The following GBP5 variants were observed in gnomAD, a reference collection of about 807,000 sequenced individuals.
The protein encoded by GBP5 is guanylate-binding protein 5.
GBP5 carries 48 observed loss-of-function variants against 58.2 expected under a neutral mutation model. That is an observed-to-expected ratio of 0.83 (90% CI 0.65 to 1.05). The LOEUF (loss-of-function observed/expected upper bound fraction) is 1.05, where lower values mean the gene tolerates loss of function less well. Ranked by LOEUF, GBP5 falls within the 50% of genes least tolerant of loss-of-function variation. The probability of loss-of-function intolerance (pLI) is 0.00; values close to 1 mark genes in which losing one functional copy is unlikely to be tolerated. For synonymous variants in GBP5, 248 were observed against 251.8 expected (o/e 0.98, Z 0.14); for missense variants, 714 against 686.8 (o/e 1.04, Z -0.44).
In GBP5 at chr1:89,263,829, T is replaced by G. The variant is rs759954294; in HGVS notation, c.1269A>C (p.Gly423=). ...FGPLEEAVKQ[G]IYSKPGGHNL... ...TATGGCCTCCTGGCTTAGAATAAAT[T>G]CCCTGCTTCACTGCTTCTTCTAGAG... is the stretch of plus-strand genomic sequence containing the variant. The change falls in exon 9 of 12, where the codon GGA becomes GGC. Residue 423 remains glycine (G), a synonymous_variant. Transcript: ENST00000370459. The G allele has an allele frequency of 6.2e-7, 1 of 1,613,442 alleles. No homozygotes were observed. The highest frequency in any genetic ancestry group is 8.5e-7 in the Non-Finnish European group (1 of 1,179,722).
intron 9 of GBP5, 192 bp from the exon 10 acceptor site, chr1:89,262,977 G>T (rs939773491): frequency 1.8e-5 from 8 of 437,084 alleles, no homozygotes; most frequent in Admixed American, 1.2e-4. Context: ...ATTGAGACTG[G>T]AGAGGCTTGT....
Position 89,262,366 on chromosome 1 carries a change from CT to C in GBP5, c.1500del (p.Ala501ArgfsTer14). The stretch of plus-strand genomic sequence containing the variant: ...CTTTGAATCGCCGCCAACCTTTGCG[CT>C]TCAGCCTTTTCAGCTTCTGCTTTCA... ...AQVKAEAEKA[E>X]AQRLAAIQRQ... On this transcript the variant is annotated frameshift_variant, in exon 11 of 12. Coordinates refer to ENST00000370459, the MANE Select transcript of GBP5 (RefSeq NM_052942.5). LOFTEE classifies it high-confidence loss of function. 3 of 1,614,082 alleles carry C rather than the reference CT, an allele frequency of 1.9e-6. No homozygotes were observed. The highest frequency in any genetic ancestry group is 2.5e-6 in the Non-Finnish European group (3 of 1,180,012).
At position 89,264,841 on chromosome 1, in the gene GBP5, G is replaced by C; in HGVS notation, c.994C>G (p.His332Asp). The change falls in exon 8 of 12, where the codon CAC becomes GAC. Residue 332 changes from histidine to aspartate, a missense_variant. Transcript: ENST00000370459. Reference sequence around the variant, plus strand: ...TTCTGGCCCATTTGCTGGTCATAGTGGGCAATGGCCTTTTGCACTGCAGCT... The same window carrying C: ...TTCTGGCCCATTTGCTGGTCATAGTCGGCAATGGCCTTTTGCACTGCAGCT... ...NSAAVQKAIAHYDQQMGQKVQ... is the reference protein window; with the variant it reads ...NSAAVQKAIADYDQQMGQKVQ... 1.2e-6 allele frequency: 2 copies of C among 1,614,152 alleles called. No homozygotes were observed. Among genetic ancestry groups the C allele is most frequent in the Non-Finnish European group, 1.7e-6 (2 of 1,180,034 alleles).
In GBP5 at chr1:89,256,381, T is replaced by C. The variant is rs888119759; in HGVS notation, c.*4323A>G. Among the ~76,000 whole-genome samples, 1 of 152,246 alleles carries C rather than the reference T, an allele frequency of 6.6e-6. No individual in the cohort carries two copies. Among genetic ancestry groups the C allele is most frequent in the African/African-American group, 2.4e-5 (1 of 41,462 alleles). The stretch of plus-strand genomic sequence containing the variant: ...ATATTAGTTGGCTCTAGCAGGGTTG[T>C]CAGAAGTTGTCATATACACCTATAG... On this transcript the variant is annotated 3_prime_UTR_variant, in exon 12 of 12. Transcript: ENST00000370459.
At chr1:89,268,228 C>T (rs1043726162) in intron 4 of GBP5, among the ~76,000 whole-genome samples, 1 of 152,106 alleles carries the variant, frequency 6.6e-6, no homozygotes, top group African/African-American at 2.4e-5. Flanking sequence ...GTTATTTTGT[C>T]CTTGAGCTGG....
In GBP5 at chr1:89,257,439, A is replaced by T. The variant is rs1471957121; in HGVS notation, c.*3265T>A. ...TTCAAGATGAGATTTGAGTGGACAC[A>T]GCCAAACCGTATCACTAAGCAAGAT... On this transcript the variant is annotated 3_prime_UTR_variant, in exon 12 of 12. Coordinates refer to ENST00000370459, the MANE Select transcript of GBP5 (RefSeq NM_052942.5). Among the ~76,000 whole-genome samples the T allele has an allele frequency of 6.6e-6, 1 of 152,224 alleles. No individual in the cohort carries two copies. The highest frequency in any genetic ancestry group is 1.5e-5 in the Non-Finnish European group (1 of 68,036).
In GBP5 at chr1:89,267,472, T is replaced by C. The variant is rs1244158409; in HGVS notation, c.373A>G (p.Thr125Ala). 6 of 1,614,068 alleles carry C rather than the reference T, an allele frequency of 3.7e-6. No homozygotes were observed. The highest frequency in any genetic ancestry group is 5.1e-6 in the Non-Finnish European group (6 of 1,179,952). ...TTGTTCACAGTATTGTACACAAAGGTGCTGCTCAGTAAGAGTGCCAGTGCA... is the reference window on the plus strand; with the variant it reads ...TTGTTCACAGTATTGTACACAAAGGCGCTGCTCAGTAAGAGTGCCAGTGCA... The part of the protein sequence containing the change: ...IFALALLLSS[T>A]FVYNTVNKID... Residue 125 changes from threonine to alanine, a missense_variant, in exon 5 of 12, where the codon ACC (threonine) becomes GCC (alanine). Thr to Ala is a moderately conservative substitution (Grantham distance 58). Transcript: ENST00000370459.
intron 3 of GBP5, 54 bp downstream of exon 3, chr1:89,269,312 G>T: frequency 6.5e-7 from 1 of 1,542,052 alleles, no homozygotes; most frequent in South Asian, 1.1e-5. Context: ...GTACTGGATG[G>T]TGACTGTGTG....
At chr1:89,268,010 A>T (rs1650293974) in intron 4 of GBP5, among the ~76,000 whole-genome samples, 1 of 152,134 alleles carries the variant, frequency 6.6e-6, no homozygotes, top group African/African-American at 2.4e-5. Context: ...AAGACAAAAA[A>T]CACACACACA....
In GBP5 at chr1:89,266,495, G is replaced by T; in HGVS notation, c.719C>A (p.Ala240Asp). ...AAGTTGGGCAAGCTTTTTTTGGTGA[G>T]CAGGTAAGTCAAAGATAAAGCATTT... Reference protein sequence around the residue: ...KKKCFIFDLPAHQKKLAQLET... With the variant: ...KKKCFIFDLPDHQKKLAQLET... The change falls in exon 7 of 12, where the codon GCT becomes GAT. Residue 240 changes from alanine to aspartate, a missense_variant. Transcript: ENST00000370459. 6.2e-7 allele frequency: 1 copy of T among 1,614,100 alleles called. No homozygotes were observed. Among genetic ancestry groups the T allele is most frequent in the Non-Finnish European group, 8.5e-7 (1 of 1,179,970 alleles).
At position 89,267,876 on chromosome 1, in the gene GBP5, C is replaced by T. The variant is rs146581388; in HGVS notation, c.319-350G>A. On this transcript the variant is annotated intron_variant, in intron 4 of 11. Transcript: ENST00000370459. ...CAATAATGCAGTTCACATTAATGAT[C>T]TTATCGAATTCTAAAAAATAGTGCT... 8.0e-3 allele frequency among the ~76,000 whole-genome samples: 1,224 copies of T among 152,216 alleles called. 14 individuals are homozygous for T. The highest frequency in any genetic ancestry group is 0.012 in the Non-Finnish European group (818 of 68,010).
At chr1:89,266,880 TTTAAC>T in intron 6 of GBP5, 72 bp downstream of exon 6, 1 of 1,021,688 alleles carries the variant, frequency 9.8e-7, no homozygotes, top group Non-Finnish European at 1.4e-6. Context: ...AAACCATAAA[TTTAAC>T]CACCTAAACA....
chr1:89,263,556 G>A (rs564405279), intron 9 of GBP5, 180 bp downstream of exon 9: 7 of 545,882 alleles, frequency 1.3e-5, no homozygotes, highest in Admixed American at 9.2e-5. Context: ...AATTCTGTGC[G>A]AGGAACACCA....
chr1:89,258,704 T>C lies in GBP5; in HGVS notation c.*2000A>G, dbSNP rs1570406895. On this transcript the variant is annotated 3_prime_UTR_variant, in exon 12 of 12. Transcript: ENST00000370459. ...TCAAGCTCCTATCATATTACCTAAG[T>C]GGAAAATTCCTTATATGAGTAAGTA... is the stretch of plus-strand genomic sequence containing the variant. 1.3e-5 allele frequency among the ~76,000 whole-genome samples: 2 copies of C among 152,250 alleles called. No individual in the cohort carries two copies. Among genetic ancestry groups the C allele is most frequent in the African/African-American group, 4.8e-5 (2 of 41,566 alleles).
At position 89,269,316 on chromosome 1, in the gene GBP5, CTG is replaced by C. The variant is rs770409883; in HGVS notation, c.190+48_190+49del. 20 of 1,559,688 alleles carry C rather than the reference CTG, an allele frequency of 1.3e-5. No homozygotes were observed. In the African/African-American group the frequency reaches 2.6e-4, roughly 20 times the overall value. On this transcript the variant is annotated intron_variant, in intron 3 of 11. Transcript: ENST00000370459. ...CTTGCTTCCTCGTACTGGATGGTGA[CTG>C]TGTGAATGGACAGAAGGGTTTGGCA...
In GBP5 at chr1:89,262,312, C is replaced by G; in HGVS notation, c.1555G>C (p.Glu519Gln). ...RQNEQMMQER[E>Q]RLHQEQVRQM... is the part of the protein sequence containing the mutation. ...CTCACTTGTTCCTGATGGAGTCTCT[C>G]CCTCTCCTGCATCATTTGCTCGTTC... The change falls in exon 11 of 12, where the codon GAG becomes CAG. Residue 519 changes from glutamate to glutamine, a missense_variant. By Grantham distance (29) the Glu-to-Gln change is conservative. Coordinates refer to ENST00000370459, the MANE Select transcript of GBP5 (RefSeq NM_052942.5). 6.2e-7 allele frequency: 1 copy of G among 1,614,128 alleles called. No individual in the cohort carries two copies. The highest frequency in any genetic ancestry group is 8.5e-7 in the Non-Finnish European group (1 of 1,179,978).
chr1:89,263,777 G>T lies in GBP5; in HGVS notation c.1321C>A (p.Leu441Met). Residue 441 changes from leucine (L) to methionine (M), a missense_variant, in exon 9 of 12, where the codon CTG (leucine) becomes ATG (methionine). Coordinates refer to ENST00000370459, the MANE Select transcript of GBP5 (RefSeq NM_052942.5). ...HNLFIQKTEE[L>M]KAKYYREPRK... The stretch of plus-strand genomic sequence containing the variant: ...GGCTCCCGATAGTACTTTGCCTTCA[G>T]TTCTTCTGTTTTCTGAATGAAGAGA... The T allele has an allele frequency of 6.2e-7, 1 of 1,613,678 alleles. No homozygotes were observed. The highest frequency in any genetic ancestry group is 8.5e-7 in the Non-Finnish European group (1 of 1,179,860).
rs1203017888 is a variant in GBP5 at position 89,269,376 on chromosome 1, C to T, written c.180G>A (p.Gly60=). 2.5e-6 allele frequency: 4 copies of T among 1,613,972 alleles called. No individual in the cohort carries two copies. In the East Asian group the frequency reaches 6.7e-5, roughly 27 times the overall value. ...GCTGGTACCACTCACCCTTGTTCTTCCCAGCCAGCTTGTTCATCAGGTAGG... is the reference window on the plus strand; with the variant it reads ...GCTGGTACCACTCACCCTTGTTCTTTCCAGCCAGCTTGTTCATCAGGTAGG... ...GKSYLMNKLA[G]KNKGFSVAST... Residue 60 remains glycine (G), a synonymous_variant, in exon 3 of 12, where the codon GGG becomes GGA. Transcript: ENST00000370459.
At position 89,262,315 on chromosome 1, in the gene GBP5, T is replaced by A. The variant is rs761794891; in HGVS notation, c.1552A>T (p.Arg518Trp). 6.2e-7 allele frequency: 1 copy of A among 1,614,140 alleles called. No individual in the cohort carries two copies. The highest frequency in any genetic ancestry group is 1.1e-5 in the South Asian group (1 of 91,084). The change falls in exon 11 of 12, where the codon AGG becomes TGG. Residue 518 changes from arginine to tryptophan, a missense_variant. By Grantham distance (101) the Arg-to-Trp change is moderately radical. Coordinates refer to ENST00000370459, the MANE Select transcript of GBP5 (RefSeq NM_052942.5). ...QRQNEQMMQE[R>W]ERLHQEQVRQ... ...ACTTGTTCCTGATGGAGTCTCTCCC[T>A]CTCCTGCATCATTTGCTCGTTCTGC...
Sources: allele counts gnomAD v4.1 joint callset (sites outside exome capture counted in the v4.1 genomes callset), GRCh38; gene constraint gnomAD v4.1.1; transcripts MANE v1.5; gene names NCBI Gene and HGNC (gene_info 2026-07-23, HGNC 2026-07-21).